The following RBPMS variants were observed in gnomAD, a reference collection of about 807,000 sequenced individuals.
RBPMS encodes RNA binding protein, mRNA processing factor, also known as RNA-binding protein with multiple splicing.
Under a neutral mutation model 26.8 loss-of-function variants are expected in RBPMS, and 7 were observed. The observed-to-expected ratio is 0.26, with a 90% CI of 0.15 to 0.49. RBPMS has a LOEUF of 0.49. Among genes scored for constraint, RBPMS ranks in the 20% least tolerant of loss-of-function variants. RBPMS has a pLI of 0.98. For missense variants in RBPMS, 186 were observed against 250.0 expected (o/e 0.74, Z 1.73); for synonymous variants, 96 against 93.3 (o/e 1.03, Z -0.17).
At chr8:30,388,994 A>C (rs1807457436) in intron 1 of RBPMS, among the ~76,000 whole-genome samples, 2 of 152,186 alleles carry the variant, frequency 1.3e-5, no homozygotes, top group Admixed American at 1.3e-4. Context: ...AATTTTGCCA[A>C]AATATTGGGG....
intron 5 of RBPMS, among the ~76,000 whole-genome samples, chr8:30,504,879 A>G (rs1220985352): frequency 6.6e-6 from 1 of 152,188 alleles, no homozygotes; most frequent in East Asian, 1.9e-4. Context: ...ATTTGGTTCT[A>G]TTCAGTTTAG....
At chr8:30,411,864 T>C (rs1809475151) in intron 1 of RBPMS, among the ~76,000 whole-genome samples, 1 of 151,474 alleles carries the variant, frequency 6.6e-6, no homozygotes, top group African/African-American at 2.4e-5. Flanking sequence ...TCTGTGCCTG[T>C]AATCCCAGCT....
intron 1 of RBPMS, among the ~76,000 whole-genome samples, chr8:30,414,372 CAGT>C (rs1224971527): frequency 6.6e-6 from 1 of 152,200 alleles, no homozygotes; most frequent in Non-Finnish European, 1.5e-5. Context: ...ACTTTGGCCT[CAGT>C]AGTGGTGGGA....
At chr8:30,500,217 G>A (rs1234734686) in intron 4 of RBPMS, among the ~76,000 whole-genome samples, 7 of 152,068 alleles carry the variant, frequency 4.6e-5, no homozygotes, top group Non-Finnish European at 1.0e-4. Flanking sequence ...TAAGTTGTCT[G>A]CTATTATTAA....
At chr8:30,442,962 T>A (rs574400246) in intron 1 of RBPMS, among the ~76,000 whole-genome samples, 72 of 152,330 alleles carry the variant, frequency 4.7e-4, no homozygotes, top group African/African-American at 1.6e-3. Flanking sequence ...TACTTTTATT[T>A]ACTTATCATA....
chr8:30,543,056 T>G (rs1362403200), intron 5 of RBPMS, among the ~76,000 whole-genome samples: 1 of 152,164 alleles, frequency 6.6e-6, no homozygotes, highest in Non-Finnish European at 1.5e-5. Flanking sequence ...AGGTAGTTTT[T>G]ACTGCCTTGT....
At chr8:30,473,903 C>T (rs1817408426) in intron 1 of RBPMS, among the ~76,000 whole-genome samples, 1 of 152,078 alleles carries the variant, frequency 6.6e-6, no homozygotes, top group East Asian at 1.9e-4. Flanking sequence ...CACAGGGACA[C>T]ATGATGGGGA....
intron 4 of RBPMS, among the ~76,000 whole-genome samples, chr8:30,503,445 G>C (rs1266131247): frequency 6.6e-6 from 1 of 151,396 alleles, no homozygotes; most frequent in Admixed American, 6.6e-5. Flanking sequence ...TTTTAGTAGA[G>C]ATGGGGTTTC....
chr8:30,448,280 T>C (rs1310939059), intron 1 of RBPMS, among the ~76,000 whole-genome samples: 1 of 152,230 alleles, frequency 6.6e-6, no homozygotes, highest in African/African-American at 2.4e-5. Context: ...GCCCTTAACA[T>C]TAAGCATGTG....
chr8:30,386,122 A>G (rs1388587206), intron 1 of RBPMS, among the ~76,000 whole-genome samples: 1 of 149,182 alleles, frequency 6.7e-6, no homozygotes, highest in East Asian at 2.0e-4. Context: ...TAGATGCAGG[A>G]AAGTGCACGT....
In RBPMS at chr8:30,520,827, AT is replaced by A. The variant is rs540979383; in HGVS notation, c.397+16403del. ...AATAAAATTTTTAGAAAGGAAATAG[AT>A]TTTTTTTTTTTAATTACTAAGATTC... On this transcript the variant is annotated intron_variant, in intron 5 of 8. Transcript: ENST00000397323. Among the ~76,000 whole-genome samples the A allele has an allele frequency of 4.2e-3, 622 of 147,272 alleles. 2 individuals are homozygous for A. Among genetic ancestry groups the A allele is most frequent in the African/African-American group, 8.2e-3 (329 of 40,356 alleles).
Position 30,570,756 on chromosome 8 carries a change from G to A in RBPMS, c.*231G>A, listed in dbSNP as rs1828217548. ...TAAAAATGTTTTACTCTTTTACACT[G>A]TATAATTGTAAGAAATAGCGTATTA... On this transcript the variant is annotated 3_prime_UTR_variant, in exon 9 of 9. Coordinates refer to ENST00000397323, the MANE Select transcript of RBPMS (RefSeq NM_001008710.3). 1 of 152,600 alleles carries A rather than the reference G, an allele frequency of 6.6e-6. No homozygotes were observed. The highest frequency in any genetic ancestry group is 1.5e-5 in the Non-Finnish European group (1 of 68,044). The allele number at this position is 152,600 out of a possible 1,614,324, so 9.5% of individuals were successfully genotyped here.
rs73574123 is a variant in RBPMS, at chr8:30,559,002, A to G, written c.*7+46A>G. The G allele has an allele frequency of 2.0e-3, 3,066 of 1,515,880 alleles. 49 individuals carry two copies. The African/African-American group carries it at 0.029, about 14-fold the overall frequency. 93.9% of individuals were successfully genotyped at this position (1,515,880 alleles called of 1,614,324 possible). A position where few individuals can be genotyped will look rare whatever the true frequency, so the allele number is the denominator to read the frequency against. On this transcript the variant is annotated intron_variant, in intron 7 of 8. Transcript: ENST00000397323. ...GGAATGTGCGAAGCCCCTAGAACACATCTGTACATGGTGGGTGCGCCATGA... is the reference window on the plus strand; with the variant it reads ...GGAATGTGCGAAGCCCCTAGAACACGTCTGTACATGGTGGGTGCGCCATGA...
In RBPMS at chr8:30,566,341, T is replaced by C; in HGVS notation, c.*92T>C. 1 of 967,250 alleles carries C rather than the reference T, an allele frequency of 1.0e-6. No individual in the cohort carries two copies. The highest frequency in any genetic ancestry group is 1.2e-6 in the Non-Finnish European group (1 of 818,784). 59.9% of individuals were successfully genotyped at this position (967,250 alleles called of 1,614,324 possible). A position where few individuals can be genotyped will look rare whatever the true frequency, so the allele number is the denominator to read the frequency against. ...GGTGGCTACTGTTCTCTAGCTGTTC[T>C]ACAAAACTGGAGCATGCTGGTGAGT... On this transcript the variant is annotated 3_prime_UTR_variant, in exon 8 of 9. Coordinates refer to ENST00000397323, the MANE Select transcript of RBPMS (RefSeq NM_001008710.3).
chr8:30,521,571 G>T (rs565899056), intron 5 of RBPMS, among the ~76,000 whole-genome samples: 1 of 152,264 alleles, frequency 6.6e-6, no homozygotes, highest in South Asian at 2.1e-4. Flanking sequence ...CTCAGTTAGG[G>T]TTATTATCGT....
intron 2 of RBPMS, among the ~76,000 whole-genome samples, chr8:30,475,390 A>T (rs1817579508): frequency 6.6e-6 from 1 of 152,212 alleles, no homozygotes; most frequent in Non-Finnish European, 1.5e-5. Context: ...GTAGAAACTA[A>T]GCCAAAATAG....
chr8:30,555,056 C>T (rs1826737106), intron 6 of RBPMS, among the ~76,000 whole-genome samples: 1 of 151,990 alleles, frequency 6.6e-6, no homozygotes, highest in Admixed American at 6.6e-5. Flanking sequence ...GTATTTAATC[C>T]TCTGGGCCTT....
intron 5 of RBPMS, among the ~76,000 whole-genome samples, chr8:30,519,759 C>T (rs758453730): frequency 4.6e-5 from 7 of 152,106 alleles, no homozygotes; most frequent in Non-Finnish European, 8.8e-5. Flanking sequence ...TCCCAAAGTG[C>T]TGGGATTACA....
intron 6 of RBPMS, chr8:30,547,318 C>G: frequency 6.2e-7 from 1 of 1,612,232 alleles, no homozygotes; most frequent in Non-Finnish European, 8.5e-7. Flanking sequence ...CAAAGCCCAA[C>G]ACACCTGTCT....
Sources: allele counts gnomAD v4.1 joint callset (sites outside exome capture counted in the v4.1 genomes callset), GRCh38; gene constraint gnomAD v4.1.1; transcripts MANE v1.5; gene names NCBI Gene and HGNC (gene_info 2026-07-23, HGNC 2026-07-21).